Variants in HPSE2 observed in about 807,000 individuals in gnomAD.
The protein encoded by HPSE2 is heparanase 2 (inactive).
In HPSE2, 38 loss-of-function variants were observed where a neutral mutation model predicts 60.5. That is an observed-to-expected ratio of 0.63 (90% CI 0.48 to 0.82). The LOEUF (loss-of-function observed/expected upper bound fraction) is 0.82. Among genes scored for constraint, HPSE2 ranks in the 40% least tolerant of loss-of-function variants. The pLI is 0.00. For missense variants in HPSE2, 713 were observed against 740.4 expected, an observed-to-expected ratio of 0.96 and a Z score of 0.43; for synonymous variants, 295 against 293.2, an observed-to-expected ratio of 1.01 and a Z score of -0.06.
chr10:99,035,966 C>T (rs935673985), intron 3 of HPSE2, among the ~76,000 whole-genome samples: 1 of 152,182 alleles, frequency 6.6e-6, no homozygotes. Context: ...AATCCCAGCA[C>T]ATTGGAAGGC....
chr10:98,888,306 T>G (rs1441461838), intron 3 of HPSE2, among the ~76,000 whole-genome samples: 4 of 152,232 alleles, frequency 2.6e-5, no homozygotes, highest in African/African-American at 9.6e-5. Context: ...TTAAGAAAAT[T>G]GCTTCAGAAT....
chr10:99,181,165 G>A (rs1305994593), intron 2 of HPSE2, among the ~76,000 whole-genome samples: 3 of 151,316 alleles, frequency 2.0e-5, no homozygotes, highest in South Asian at 2.1e-4. Context: ...TTGGGAGGCC[G>A]AGGCGGGCGG....
chr10:98,563,764 C>T (rs1944259640), intron 9 of HPSE2, among the ~76,000 whole-genome samples: 1 of 152,032 alleles, frequency 6.6e-6, no homozygotes, highest in African/African-American at 2.4e-5. Context: ...GCTGCACAAA[C>T]ATACACAACT....
intron 3 of HPSE2, among the ~76,000 whole-genome samples, chr10:98,836,795 C>G (rs1220169079): frequency 6.6e-6 from 1 of 152,190 alleles, no homozygotes; most frequent in East Asian, 1.9e-4. Flanking sequence ...AATCCCAGCA[C>G]TTTCGGAGGC....
At chr10:98,770,756 T>C (rs1254195588) in intron 3 of HPSE2, among the ~76,000 whole-genome samples, 2 of 152,072 alleles carry the variant, frequency 1.3e-5, no homozygotes, top group Non-Finnish European at 2.9e-5. Context: ...AATCGTATCT[T>C]AGTGTCTGCT....
chr10:99,019,035 G>A (rs1957203972), intron 3 of HPSE2, among the ~76,000 whole-genome samples: 1 of 152,166 alleles, frequency 6.6e-6, no homozygotes, highest in South Asian at 2.1e-4. Flanking sequence ...AGTAAAGCCG[G>A]CTGCGTTTCT....
chr10:98,954,096 G>C (rs1388648071), intron 3 of HPSE2, among the ~76,000 whole-genome samples: 1 of 152,142 alleles, frequency 6.6e-6, no homozygotes, highest in Non-Finnish European at 1.5e-5. Context: ...ACAAGGTCAG[G>C]AGTTCGAGAC....
At chr10:99,026,981 G>C (rs991910006) in intron 3 of HPSE2, among the ~76,000 whole-genome samples, 1 of 151,854 alleles carries the variant, frequency 6.6e-6, no homozygotes, top group East Asian at 1.9e-4. Context: ...GAAGTACTAT[G>C]GGAATTTTAT....
intron 7 of HPSE2, among the ~76,000 whole-genome samples, chr10:98,632,905 C>T (rs749516494): frequency 1.1e-4 from 16 of 152,120 alleles, no homozygotes; most frequent in Non-Finnish European, 2.1e-4. Flanking sequence ...CTTCTGAGTA[C>T]GGGTGACCCT....
intron 6 of HPSE2, among the ~76,000 whole-genome samples, chr10:98,646,176 T>C (rs1449642739): frequency 6.6e-6 from 1 of 152,208 alleles, no homozygotes; most frequent in African/African-American, 2.4e-5. Context: ...TTTGGTTCAC[T>C]GATGGTAGTT....
chr10:99,013,516 G>T, intron 3 of HPSE2: 1 of 327,604 alleles, frequency 3.1e-6, no homozygotes. Context: ...TTGTCACCCA[G>T]GCTGGAGTGT....
chr10:99,119,819 A>G (rs1464216016), intron 3 of HPSE2, among the ~76,000 whole-genome samples: 1 of 152,188 alleles, frequency 6.6e-6, no homozygotes, highest in African/African-American at 2.4e-5. Flanking sequence ...GATCTTTGAC[A>G]AAGCTGACAA....
chr10:99,066,268 T>C (rs1296235741), intron 3 of HPSE2, among the ~76,000 whole-genome samples: 1 of 152,136 alleles, frequency 6.6e-6, no homozygotes, highest in Non-Finnish European at 1.5e-5. Context: ...AATTAAGCAA[T>C]ACTTAGAGGG....
intron 3 of HPSE2, among the ~76,000 whole-genome samples, chr10:99,108,296 C>G: frequency 6.6e-6 from 1 of 151,074 alleles, no homozygotes; most frequent in East Asian, 1.9e-4. Context: ...AAGTACTAAG[C>G]AAGTATTTTA....
At chr10:99,098,106 T>C (rs905381156) in intron 3 of HPSE2, among the ~76,000 whole-genome samples, 5 of 152,250 alleles carry the variant, frequency 3.3e-5, no homozygotes, top group African/African-American at 4.8e-5. Context: ...AGAAAGTCTA[T>C]ACAGTTAGTC....
chr10:98,580,883 A>C (rs1944779657), intron 9 of HPSE2, among the ~76,000 whole-genome samples: 1 of 145,886 alleles, frequency 6.9e-6, no homozygotes, highest in Non-Finnish European at 1.5e-5. Flanking sequence ...GATATATATA[A>C]AATATATATA....
At chr10:99,216,340 G>A (rs1409016345) in intron 2 of HPSE2, among the ~76,000 whole-genome samples, 2 of 151,822 alleles carry the variant, frequency 1.3e-5, no homozygotes, top group Non-Finnish European at 2.9e-5. Context: ...GATTACAAGC[G>A]CCTGCCACCA....
intron 3 of HPSE2, among the ~76,000 whole-genome samples, chr10:98,925,998 TAG>T (rs1156485692): frequency 6.6e-6 from 1 of 152,138 alleles, no homozygotes; most frequent in Non-Finnish European, 1.5e-5. Context: ...ATATAATATT[TAG>T]AGTTTTTAGT....
intron 6 of HPSE2, among the ~76,000 whole-genome samples, chr10:98,690,475 G>A (rs1281163129): frequency 6.6e-6 from 1 of 152,180 alleles, no homozygotes; most frequent in Non-Finnish European, 1.5e-5. Context: ...GGGAGGTGGA[G>A]CTTGCAGTGA....
Sources: allele counts gnomAD v4.1 joint callset (sites outside exome capture counted in the v4.1 genomes callset), GRCh38; gene constraint gnomAD v4.1.1; transcripts MANE v1.5; gene names NCBI Gene and HGNC (gene_info 2026-07-23, HGNC 2026-07-21).